Variants in ALG14 observed in about 807,000 individuals in gnomAD.
The protein encoded by ALG14 is UDP-N-acetylglucosamine transferase subunit ALG14.
Under a neutral mutation model 22.8 loss-of-function variants are expected in ALG14, and 17 were observed. The observed-to-expected ratio is 0.75, with a 90% confidence interval of 0.51 to 1.12. The LOEUF (loss-of-function observed/expected upper bound fraction) is 1.12, where lower values mean the gene tolerates loss of function less well. ALG14 is among the 50% of genes most tolerant of loss of function. The pLI is 0.00. For missense variants in ALG14, 288 were observed against 271.8 expected (o/e 1.06, Z -0.42); for synonymous variants, 89 against 103.7 (o/e 0.86, Z 0.86).
chr1:94,983,380 G>A (rs1672551268), intron 3 of ALG14, 74 bp from the exon 4 acceptor site: 1 of 1,251,132 alleles, frequency 8.0e-7, no homozygotes, highest in African/African-American at 1.5e-5. Flanking sequence ...ATTAAGAACA[G>A]CCTGATTTCA....
At chr1:95,032,578 A>C (rs1674045203) in intron 2 of ALG14, among the ~76,000 whole-genome samples, 1 of 152,184 alleles carries the variant, frequency 6.6e-6, no homozygotes, top group South Asian at 2.1e-4. Flanking sequence ...ATGAGAGAGG[A>C]GTGTGCTGAG....
chr1:95,025,794 A>C (rs1313548083), intron 3 of ALG14, among the ~76,000 whole-genome samples: 2 of 152,228 alleles, frequency 1.3e-5, no homozygotes, highest in Non-Finnish European at 2.9e-5. Context: ...ATTAAAGAGA[A>C]TTAGGACCTT....
chr1:94,992,914 C>T (rs1348582958), intron 3 of ALG14, among the ~76,000 whole-genome samples: 1 of 151,812 alleles, frequency 6.6e-6, no homozygotes, highest in Non-Finnish European at 1.5e-5. Flanking sequence ...TAAATGGTAG[C>T]TATTATTATC....
At chr1:95,034,742 C>T (rs896142271) in intron 2 of ALG14, among the ~76,000 whole-genome samples, 8 of 152,182 alleles carry the variant, frequency 5.3e-5, no homozygotes, top group Non-Finnish European at 8.8e-5. Flanking sequence ...AGCTGAACCA[C>T]GAAGTTTACT....
intron 2 of ALG14, among the ~76,000 whole-genome samples, chr1:95,045,574 T>A (rs1382041670): frequency 6.6e-6 from 1 of 152,062 alleles, no homozygotes; most frequent in East Asian, 1.9e-4. Context: ...TACTGCAATG[T>A]ATACATTGTA....
At position 94,982,968 on chromosome 1, in the gene ALG14, T is replaced by C. The variant is rs1672534048; in HGVS notation, c.*108A>G. On this transcript the variant is annotated 3_prime_UTR_variant, in exon 4 of 4. Transcript: ENST00000370205. ...TTTTATTCCTTACCATCAATAATTC[T>C]CAGGACTGTCAGACGCCTTTACAAG... is the stretch of plus-strand genomic sequence containing the variant. 1.2e-6 allele frequency: 1 copy of C among 852,088 alleles called. No homozygotes were observed. The highest frequency in any genetic ancestry group is 1.9e-6 in the Non-Finnish European group (1 of 536,684). 52.8% of individuals were successfully genotyped at this position (852,088 alleles called of 1,614,324 possible).
intron 3 of ALG14, among the ~76,000 whole-genome samples, chr1:95,002,945 A>G (rs185675194): frequency 2.6e-5 from 4 of 152,336 alleles, no homozygotes; most frequent in African/African-American, 7.2e-5. Flanking sequence ...GCAAACAAAG[A>G]ATTCTCTGAC....
intron 2 of ALG14, among the ~76,000 whole-genome samples, chr1:95,035,363 T>G (rs1483740250): frequency 6.6e-6 from 1 of 152,152 alleles, no homozygotes; most frequent in Non-Finnish European, 1.5e-5. Flanking sequence ...AAAACATATT[T>G]TAGTGAAACA....
chr1:95,057,808 T>C (rs761222283), intron 2 of ALG14, among the ~76,000 whole-genome samples: 11 of 151,832 alleles, frequency 7.2e-5, no homozygotes, highest in Non-Finnish European at 1.2e-4. Flanking sequence ...CATGTAGACA[T>C]GGACTGATTA....
chr1:94,995,074 T>C (rs1021684530), intron 3 of ALG14, among the ~76,000 whole-genome samples: 1 of 152,228 alleles, frequency 6.6e-6, no homozygotes, highest in Non-Finnish European at 1.5e-5. Flanking sequence ...ACTTCCTTAA[T>C]TTTTGTACAC....
intron 2 of ALG14, among the ~76,000 whole-genome samples, chr1:95,055,014 T>C (rs1446111893): frequency 1.3e-5 from 2 of 152,204 alleles, no homozygotes; most frequent in Non-Finnish European, 2.9e-5. Flanking sequence ...TACCACGTAC[T>C]TGGCCATATA....
chr1:95,038,827 T>C (rs1674288252), intron 2 of ALG14, among the ~76,000 whole-genome samples: 1 of 150,914 alleles, frequency 6.6e-6, no homozygotes, highest in Non-Finnish European at 1.5e-5. Flanking sequence ...CAAGCGATTC[T>C]CCCACCTTGG....
intron 2 of ALG14, among the ~76,000 whole-genome samples, chr1:95,031,073 G>A (rs1673987152): frequency 6.6e-6 from 1 of 152,174 alleles, no homozygotes; most frequent in Non-Finnish European, 1.5e-5. Flanking sequence ...TTTGTGTGCT[G>A]GAGCTAGCTC....
At chr1:95,007,406 A>G (rs1220502854) in intron 3 of ALG14, among the ~76,000 whole-genome samples, 4 of 152,176 alleles carry the variant, frequency 2.6e-5, no homozygotes, top group African/African-American at 7.2e-5. Flanking sequence ...ACTGGCGGGA[A>G]CACCACCCTT....
intron 1 of ALG14, among the ~76,000 whole-genome samples, chr1:95,070,496 T>C (rs1025230276): frequency 6.6e-6 from 1 of 152,246 alleles, no homozygotes; most frequent in Non-Finnish European, 1.5e-5. Context: ...GAAAATATTG[T>C]AATTTTGTTC....
intron 3 of ALG14, among the ~76,000 whole-genome samples, chr1:95,025,479 A>G (rs911931768): frequency 1.3e-5 from 2 of 152,238 alleles, no homozygotes; most frequent in Non-Finnish European, 2.9e-5. Context: ...ACACAGAATC[A>G]GCCTGTCCCT....
chr1:95,005,083 G>C (rs1673179980), intron 3 of ALG14, among the ~76,000 whole-genome samples: 1 of 152,188 alleles, frequency 6.6e-6, no homozygotes, highest in Admixed American at 6.5e-5. Context: ...AATGCCACAA[G>C]AAGAATATGA....
intron 2 of ALG14, among the ~76,000 whole-genome samples, chr1:95,056,816 T>TG (rs1292219597): frequency 1.3e-5 from 2 of 151,392 alleles, no homozygotes; most frequent in Non-Finnish European, 2.9e-5. Flanking sequence ...CCCAGCACTT[T>TG]GGGAGGCCAA....
At chr1:95,063,627 T>A (rs888385021) in intron 2 of ALG14, among the ~76,000 whole-genome samples, 1 of 152,236 alleles carries the variant, frequency 6.6e-6, no homozygotes, top group East Asian at 1.9e-4. Flanking sequence ...TTCTCTATTC[T>A]GTTCCATTGG....
Sources: allele counts gnomAD v4.1 joint callset (sites outside exome capture counted in the v4.1 genomes callset), GRCh38; gene constraint gnomAD v4.1.1; transcripts MANE v1.5; gene names NCBI Gene and HGNC (gene_info 2026-07-23, HGNC 2026-07-21).